Variants in NUP58 observed in about 807,000 individuals in gnomAD.
NUP58 encodes the protein nucleoporin 58.
A neutral mutation model predicts 70.1 loss-of-function variants in NUP58; 17 were observed. The observed-to-expected ratio is 0.24, with a 90% CI of 0.17 to 0.36. The LOEUF is 0.36. Ranked by LOEUF, NUP58 falls within the 10% of genes least tolerant of loss-of-function variation. The pLI is 1.00. For synonymous variants in NUP58, 275 were observed against 257.6 expected (o/e 1.07, Z -0.65); for missense variants, 644 against 701.5 (o/e 0.92, Z 0.93).
intron 7 of NUP58, 44 bp downstream of exon 7, chr13:25,319,394 T>G: frequency 6.5e-7 from 1 of 1,541,614 alleles, no homozygotes; most frequent in Non-Finnish European, 9.0e-7. Context: ...ATTGAAGAGT[T>G]TAACTTATTA....
chr13:25,343,191 A>G (rs2031999070), downstream of NUP58, among the ~76,000 whole-genome samples: 1 of 151,780 alleles, frequency 6.6e-6, no homozygotes, highest in Non-Finnish European at 1.5e-5. Context: ...TCCCCTCTTA[A>G]GTTCCCATAG....
chr13:25,301,864 G>C lies in NUP58; in HGVS notation c.91G>C (p.Gly31Arg), dbSNP rs2030018819. Residue 31 changes from glycine (G) to arginine (R), a missense_variant, in exon 1 of 16, where the codon GGA (glycine) becomes CGA (arginine). By Grantham distance (125) the Gly-to-Arg change is moderately radical. Transcript: ENST00000381736. ...CAGCACAGGCGGCGTTTTCTCCTTC[G>C]GAACGGGAGCGTCTAGGTAACCGCA... ...GTSTGGVFSF[G>R]TGASSNPSVG... is the part of the protein sequence containing the mutation. 1 of 1,612,564 alleles carries C rather than the reference G, an allele frequency of 6.2e-7. No individual in the cohort carries two copies. Among genetic ancestry groups the C allele is most frequent in the African/African-American group, 1.3e-5 (1 of 74,908 alleles).
chr13:25,303,279 T>TGGGGACTCATCTTGAG (rs1256937180), intron 1 of NUP58: 6 of 367,632 alleles, frequency 1.6e-5, no homozygotes, highest in Non-Finnish European at 3.1e-5. Context: ...CTGGAACCTC[T>TGGGGACTCATCTTGAG]GGGGACTCAT....
chr13:25,312,791 T>C (rs2030734674), intron 3 of NUP58, 92 bp from the exon 4 acceptor site: 9 of 1,284,400 alleles, frequency 7.0e-6, no homozygotes, highest in Middle Eastern at 3.8e-4. Flanking sequence ...TCATGAACTT[T>C]TAAGGATCCT....
chr13:25,343,573 T>C (rs9285345), downstream of NUP58, among the ~76,000 whole-genome samples: 143,949 of 150,512 alleles, frequency 0.96, 69,185 homozygotes, highest in East Asian at 1. Flanking sequence ...CCTCAGCCTC[T>C]GGAGTAGCTG....
chr13:25,302,857 TTACTC>T (rs1166003247), intron 1 of NUP58: 2 of 421,340 alleles, frequency 4.7e-6, no homozygotes, highest in East Asian at 1.4e-4. Flanking sequence ...TCCGTTATTC[TTACTC>T]TACTCGCTCA....
downstream of NUP58, among the ~76,000 whole-genome samples, chr13:25,343,768 TC>T (rs1004969821): frequency 6.7e-6 from 1 of 149,768 alleles, no homozygotes; most frequent in Non-Finnish European, 1.5e-5. Context: ...ATTCATCCAT[TC>T]CTTTTTAGTG....
At chr13:25,307,492 G>A (rs1396424174) in intron 1 of NUP58, among the ~76,000 whole-genome samples, 2 of 152,066 alleles carry the variant, frequency 1.3e-5, no homozygotes, top group South Asian at 4.1e-4. Context: ...GGAATTACAG[G>A]CATGAGCCAC....
At position 25,331,043 on chromosome 13, in the gene NUP58, A is replaced by G. The variant is rs576021740; in HGVS notation, c.1234-314A>G. 4.6e-5 allele frequency among the ~76,000 whole-genome samples: 7 copies of G among 152,270 alleles called. No homozygotes were observed. The East Asian group carries it at 1.2e-3, about 25-fold the overall frequency. On this transcript the variant is annotated intron_variant, in intron 12 of 15. Coordinates refer to ENST00000381736, the MANE Select transcript of NUP58 (RefSeq NM_014089.4). ...ATTTTTAAATTCTTTTCATCCATCC[A>G]TCTGCACATTGATGGAGTATTTAAA...
At chr13:25,329,323 T>G (rs1298711160) in intron 12 of NUP58, among the ~76,000 whole-genome samples, 1 of 152,174 alleles carries the variant, frequency 6.6e-6, no homozygotes. Context: ...GAAGATGCTT[T>G]TTTTCCCCCC....
At chr13:25,339,911 A>C (rs1283049948) in intron 15 of NUP58, 54 bp from the exon 16 acceptor site, 1 of 1,447,776 alleles carries the variant, frequency 6.9e-7, no homozygotes, top group African/African-American at 1.5e-5. Flanking sequence ...CTGTTTTTAT[A>C]TTTGTTTTTG....
In NUP58 at chr13:25,335,975, T is replaced by A. The variant is rs569946442; in HGVS notation, c.1436-961T>A. ...TAGATTTTTGTATTCTGCTTAGTTT[T>A]AAAAAAAAAAAATAGTAGTTTAAAA... On this transcript the variant is annotated intron_variant, in intron 13 of 15. Transcript: ENST00000381736. 7.2e-3 allele frequency: 6,066 copies of A among 838,234 alleles called. 9 individuals are homozygous for A. The highest frequency in any genetic ancestry group is 8.2e-3 in the Non-Finnish European group (5,486 of 668,302). 51.9% of individuals were successfully genotyped at this position (838,234 alleles called of 1,614,324 possible).
rs2031913607 is a variant in NUP58 at position 25,340,245 on chromosome 13, A to G, written c.*111A>G. 6 of 1,063,944 alleles carry G rather than the reference A, an allele frequency of 5.6e-6. No individual in the cohort carries two copies. Among genetic ancestry groups the G allele is most frequent in the East Asian group, 3.1e-5 (1 of 32,534 alleles). The allele number at this position is 1,063,944 out of a possible 1,614,324, so 65.9% of individuals were successfully genotyped here. A position where few individuals can be genotyped will look rare whatever the true frequency, so the allele number is the denominator to read the frequency against. ...ATCCCAGGAGATTTATAAAGTTTTGATATTTTTCCCTACTCTGGAATTTGA... is the reference window on the plus strand; with the variant it reads ...ATCCCAGGAGATTTATAAAGTTTTGGTATTTTTCCCTACTCTGGAATTTGA... On this transcript the variant is annotated 3_prime_UTR_variant, in exon 16 of 16. Transcript: ENST00000381736.
intron 1 of NUP58, among the ~76,000 whole-genome samples, chr13:25,306,864 G>T (rs901328749): frequency 6.6e-6 from 1 of 152,018 alleles, no homozygotes; most frequent in African/African-American, 2.4e-5. Flanking sequence ...GCTTTGCACT[G>T]TGCTCTGAAG....
intron 3 of NUP58, among the ~76,000 whole-genome samples, chr13:25,309,712 T>G (rs2030556480): frequency 6.6e-6 from 1 of 152,202 alleles, no homozygotes; most frequent in East Asian, 1.9e-4. Flanking sequence ...ACATAATACT[T>G]TCTGTAGTGT....
At chr13:25,322,164 T>G (rs1218781768) in intron 9 of NUP58, among the ~76,000 whole-genome samples, 1 of 152,232 alleles carries the variant, frequency 6.6e-6, no homozygotes, top group African/African-American at 2.4e-5. Context: ...GATCTGTTAA[T>G]GAACTTCATG....
downstream of NUP58, among the ~76,000 whole-genome samples, chr13:25,345,281 G>C (rs148876166): frequency 1.8e-4 from 28 of 152,258 alleles, no homozygotes; most frequent in African/African-American, 6.7e-4. Context: ...ATATTTTACT[G>C]CCTGTCTCTG....
chr13:25,304,080 A>G (rs2030169784), intron 1 of NUP58, among the ~76,000 whole-genome samples: 1 of 152,122 alleles, frequency 6.6e-6, no homozygotes, highest in Admixed American at 6.5e-5. Flanking sequence ...AGTATAATAT[A>G]TTACCTGAGT....
downstream of NUP58, among the ~76,000 whole-genome samples, chr13:25,344,492 C>G (rs2032026414): frequency 6.6e-6 from 1 of 152,162 alleles, no homozygotes; most frequent in South Asian, 2.1e-4. Flanking sequence ...ATTTGTATAC[C>G]TGATAGGAAG....
Sources: gnomAD v4.1 joint callset for allele counts (sites outside exome capture counted in the v4.1 genomes callset) on GRCh38, gnomAD v4.1.1 for gene constraint, MANE v1.5 for transcripts, NCBI Gene and HGNC (gene_info 2026-07-23, HGNC 2026-07-21) for gene names.